Variants in B3GALT1 observed in about 807,000 individuals in gnomAD.
B3GALT1 encodes the protein beta-1,3-galactosyltransferase 1, also known as UDP-Gal:betaGlcNAc beta 1,3-galactosyltransferase, polypeptide 1.
Under a neutral mutation model 23.2 loss-of-function variants are expected in B3GALT1, and 10 were observed. The ratio of observed to expected loss-of-function variants is 0.43; its 90% CI spans 0.27 to 0.73. The LOEUF is 0.73. Ranked by LOEUF, B3GALT1 falls within the 30% of genes least tolerant of loss-of-function variation. B3GALT1 has a pLI of 0.21. For missense variants in B3GALT1, 299 were observed against 405.4 expected, an observed-to-expected ratio of 0.74 and a Z score of 2.25; for synonymous variants, 156 against 141.5, an observed-to-expected ratio of 1.10 and a Z score of -0.73.
rs1686313251 is a variant in B3GALT1 at position 167,670,843 on chromosome 2, A to T, written c.-352+23877A>T. On this transcript the variant is annotated intron_variant, in intron 3 of 4. Coordinates refer to ENST00000392690, the MANE Select transcript of B3GALT1 (RefSeq NM_020981.4). ...GAACTCAAAGACAAGTCACTATTCA[A>T]TCAGAGGAGAAAAAAAGAATGAAGA... is the stretch of plus-strand genomic sequence containing the variant. 2.6e-5 allele frequency among the ~76,000 whole-genome samples: 4 copies of T among 152,302 alleles called. No homozygotes were observed. The Middle Eastern group carries it at 0.014, about 518-fold the overall frequency.
At chr2:167,698,523 G>A (rs139496265) in intron 3 of B3GALT1, among the ~76,000 whole-genome samples, 174 of 152,238 alleles carry the variant, frequency 1.1e-3, no homozygotes, top group African/African-American at 4.0e-3. Context: ...AGGCAGAGAG[G>A]CAGGAACCAA....
intron 1 of B3GALT1, among the ~76,000 whole-genome samples, chr2:167,486,840 A>C (rs922322392): frequency 4.6e-5 from 7 of 152,018 alleles, no homozygotes; most frequent in South Asian, 4.1e-4. Flanking sequence ...TTGAAGTGGG[A>C]TTGGGAGAGT....
intron 2 of B3GALT1, among the ~76,000 whole-genome samples, chr2:167,503,234 A>G (rs1042149827): frequency 6.6e-5 from 10 of 152,072 alleles, no homozygotes; most frequent in African/African-American, 2.2e-4. Context: ...CTCAACTATT[A>G]TAAAAATTAT....
At chr2:167,547,027 C>G (rs1683649228) in intron 2 of B3GALT1, among the ~76,000 whole-genome samples, 1 of 152,180 alleles carries the variant, frequency 6.6e-6, no homozygotes, top group African/African-American at 2.4e-5. Context: ...GGCACCCAGG[C>G]TGCTGGAAAT....
chr2:167,775,945 A>G (rs1380313587), intron 3 of B3GALT1, among the ~76,000 whole-genome samples: 1 of 152,024 alleles, frequency 6.6e-6, no homozygotes, highest in Non-Finnish European at 1.5e-5. Flanking sequence ...AGGGACCTGT[A>G]ACTAAATGAA....
chr2:167,740,764 G>A (rs1214068975), intron 3 of B3GALT1, among the ~76,000 whole-genome samples: 1 of 152,146 alleles, frequency 6.6e-6, no homozygotes, highest in Admixed American at 6.6e-5. Flanking sequence ...TGTACATTGT[G>A]TCATATTTAG....
At chr2:167,389,909 C>CAAAAAAAAAAA (rs141871874) in intron 1 of B3GALT1, among the ~76,000 whole-genome samples, 3 of 112,588 alleles carry the variant, frequency 2.7e-5, no homozygotes, top group Admixed American at 9.4e-5. Context: ...ATACCCTGTC[C>CAAAAAAAAAAA]AAAAAAAAAA....
chr2:167,537,559 A>AATCCAC (rs1278539990), intron 2 of B3GALT1, among the ~76,000 whole-genome samples: 1 of 152,124 alleles, frequency 6.6e-6, no homozygotes, highest in African/African-American at 2.4e-5. Flanking sequence ...ATAGAACAAT[A>AATCCAC]ATCCACGTAG....
intron 2 of B3GALT1, among the ~76,000 whole-genome samples, chr2:167,614,929 T>C (rs1311820979): frequency 6.6e-6 from 1 of 151,946 alleles, no homozygotes; most frequent in African/African-American, 2.4e-5. Context: ...AGGTTACTCT[T>C]AAAAGAAGTT....
chr2:167,473,547 C>G (rs77324656), intron 1 of B3GALT1, among the ~76,000 whole-genome samples: 2,963 of 152,206 alleles, frequency 0.019, 89 homozygotes, highest in African/African-American at 0.068. Context: ...AGAAATAACT[C>G]ATATTATCAT....
intron 2 of B3GALT1, among the ~76,000 whole-genome samples, chr2:167,583,982 A>G (rs555321777): frequency 6.8e-6 from 1 of 146,750 alleles, no homozygotes; most frequent in South Asian, 2.4e-4. Flanking sequence ...CCAGCTGTCC[A>G]AAGGCATTGG....
At chr2:167,848,622 C>T (rs1050687224) in intron 4 of B3GALT1, among the ~76,000 whole-genome samples, 22 of 152,248 alleles carry the variant, frequency 1.4e-4, no homozygotes, top group African/African-American at 5.3e-4. Context: ...CTATGACAAA[C>T]CCACCGCCAA....
chr2:167,304,631 A>G (rs1391697076), intron 1 of B3GALT1, among the ~76,000 whole-genome samples: 1 of 151,752 alleles, frequency 6.6e-6, no homozygotes, highest in African/African-American at 2.4e-5. Flanking sequence ...ATACAGAGAA[A>G]AAGAGAGACA....
At chr2:167,551,414 A>G (rs937142455) in intron 2 of B3GALT1, among the ~76,000 whole-genome samples, 1 of 152,194 alleles carries the variant, frequency 6.6e-6, no homozygotes, top group African/African-American at 2.4e-5. Context: ...GAGAGAAGGC[A>G]ATGTAAGTGT....
chr2:167,447,551 C>G (rs1699019385), intron 1 of B3GALT1, among the ~76,000 whole-genome samples: 1 of 152,166 alleles, frequency 6.6e-6, no homozygotes, highest in African/African-American at 2.4e-5. Flanking sequence ...CTACTCAAGC[C>G]TCAGCAATGG....
intron 1 of B3GALT1, among the ~76,000 whole-genome samples, chr2:167,390,600 A>G (rs1698003739): frequency 1.3e-5 from 2 of 152,000 alleles, no homozygotes; most frequent in South Asian, 2.1e-4. Context: ...TTCTCTCCCT[A>G]TCTTAGCCCT....
At chr2:167,586,010 A>G (rs1022237370) in intron 2 of B3GALT1, among the ~76,000 whole-genome samples, 1 of 152,228 alleles carries the variant, frequency 6.6e-6, no homozygotes, top group Non-Finnish European at 1.5e-5. Context: ...CTTAATACCT[A>G]GGGCAGCACA....
intron 3 of B3GALT1, among the ~76,000 whole-genome samples, chr2:167,797,560 T>C (rs1688564141): frequency 6.6e-6 from 1 of 152,234 alleles, no homozygotes; most frequent in Non-Finnish European, 1.5e-5. Context: ...CCACACTGTC[T>C]TCCACAGTGG....
intron 2 of B3GALT1, among the ~76,000 whole-genome samples, chr2:167,609,684 G>A (rs1036106508): frequency 9.2e-5 from 14 of 152,138 alleles, no homozygotes; most frequent in Admixed American, 9.2e-4. Context: ...GTATCTCATT[G>A]TCCATTATTG....
Sources: gnomAD v4.1 joint callset for allele counts (sites outside exome capture counted in the v4.1 genomes callset) on GRCh38, gnomAD v4.1.1 for gene constraint, MANE v1.5 for transcripts, NCBI Gene and HGNC (gene_info 2026-07-23, HGNC 2026-07-21) for gene names.